The following WDR35 variants were observed in gnomAD, a reference collection of about 807,000 sequenced individuals.
WDR35 encodes the protein WD repeat-containing protein 35.
Under a neutral mutation model 158.3 loss-of-function variants are expected in WDR35, and 118 were observed. The observed-to-expected ratio is 0.75, with a 90% confidence interval of 0.64 to 0.87. The LOEUF is 0.87. WDR35 is among the 40% of genes least tolerant of loss of function. The pLI is 0.00. For missense variants in WDR35, 1,263 were observed against 1,405.8 expected (o/e 0.90, Z 1.62); for synonymous variants, 448 against 476.1 (o/e 0.94, Z 0.77).
At chr2:19,983,033 T>C (rs1947730) in intron 2 of WDR35, among the ~76,000 whole-genome samples, 69,485 of 152,100 alleles carry the variant, frequency 0.46, 16,101 homozygotes, top group East Asian at 0.64. Flanking sequence ...TCCCCTTTCT[T>C]CTCAGAGCTT....
intron 14 of WDR35, among the ~76,000 whole-genome samples, chr2:19,947,603 T>C (rs1360999541): frequency 2.6e-5 from 4 of 152,220 alleles, no homozygotes; most frequent in Admixed American, 1.3e-4. Flanking sequence ...TTCTCTATTT[T>C]ACTGGCTGGC....
intron 8 of WDR35, among the ~76,000 whole-genome samples, chr2:19,970,234 GCCT>G (rs1455387746): frequency 3.3e-5 from 5 of 152,086 alleles, no homozygotes; most frequent in South Asian, 4.2e-4. Context: ...ATTATAAGAT[GCCT>G]CCTCATTTTA....
intron 25 of WDR35, among the ~76,000 whole-genome samples, chr2:19,922,372 G>T (rs186742566): frequency 1.2e-4 from 19 of 152,250 alleles, no homozygotes; most frequent in African/African-American, 4.1e-4. Flanking sequence ...ATATACACCA[G>T]GGAATACTAT....
chr2:19,967,695 C>G (rs995734396), intron 9 of WDR35, among the ~76,000 whole-genome samples: 4 of 151,990 alleles, frequency 2.6e-5, no homozygotes, highest in African/African-American at 9.7e-5. Flanking sequence ...CTTTTTGTAT[C>G]CTGATTACTT....
At chr2:19,959,468 G>A (rs1405905121) in intron 11 of WDR35, among the ~76,000 whole-genome samples, 2 of 151,820 alleles carry the variant, frequency 1.3e-5, no homozygotes, top group Non-Finnish European at 2.9e-5. Flanking sequence ...ACACTAATGT[G>A]TATATATATG....
chr2:19,912,543 A>G lies in WDR35; in HGVS notation c.*1015T>C, dbSNP rs1482839442. On this transcript the variant is annotated 3_prime_UTR_variant, in exon 27 of 27. Coordinates refer to ENST00000281405, the MANE Select transcript of WDR35 (RefSeq NM_020779.4). Reference sequence around the variant, plus strand: ...GAGAAAGTGTATTGTAGCTGCAAAAACAAAGTTGCGTATCTCTATGTATTG... The same window carrying G: ...GAGAAAGTGTATTGTAGCTGCAAAAGCAAAGTTGCGTATCTCTATGTATTG... 4 of 152,242 alleles carry G rather than the reference A, an allele frequency of 2.6e-5. No homozygotes were observed. Among genetic ancestry groups the G allele is most frequent in the African/African-American group, 9.6e-5 (4 of 41,464 alleles). The allele number at this position is 152,242 out of a possible 1,614,324, so 9.4% of individuals were successfully genotyped here.
intron 14 of WDR35, 73 bp from the exon 15 acceptor site, chr2:19,946,643 A>C (rs1671065394): frequency 5.3e-5 from 73 of 1,379,854 alleles, no homozygotes; most frequent in East Asian, 4.7e-5. Flanking sequence ...ATTTCTCTAT[A>C]TGTCTATACA....
intron 2 of WDR35, among the ~76,000 whole-genome samples, chr2:19,984,711 T>C (rs911588842): frequency 2.6e-5 from 4 of 152,182 alleles, no homozygotes; most frequent in Non-Finnish European, 5.9e-5. Flanking sequence ...ATAACACCAA[T>C]AACCAAGCAC....
rs374556044 is a variant in WDR35, at chr2:19,975,603, G to T, written c.497C>A (p.Ala166Glu). Residue 166 changes from alanine (A) to glutamate (E), a missense_variant, in exon 6 of 27, where the codon GCG becomes GAG. By Grantham distance (107) the Ala-to-Glu change is moderately radical. Transcript: ENST00000281405. ...GIQLSHVTWS[A>E]DSKVLLFGMA... ...TCCAAAAAGTAAGACTTTACTGTCC[G>T]CAGACCATGTTACATGGGATAGCTG... 19 of 1,613,836 alleles carry T rather than the reference G, an allele frequency of 1.2e-5. No homozygotes were observed. The highest frequency in any genetic ancestry group is 1.6e-5 in the Non-Finnish European group (19 of 1,179,954).
Position 19,974,483 on chromosome 2 carries a change from G to C in WDR35, c.721C>G (p.His241Asp), listed in dbSNP as rs1301451424. The C allele has an allele frequency of 4.4e-6, 7 of 1,608,942 alleles. 1 individual carries two copies. Among genetic ancestry groups the C allele is most frequent in the Admixed American group, 3.3e-5 (2 of 59,748 alleles). The change falls in exon 7 of 27, where the codon CAT (histidine) becomes GAT (aspartate). Residue 241 changes from histidine to aspartate, a missense_variant. His to Asp is a moderately conservative substitution (Grantham distance 81). Coordinates refer to ENST00000281405, the MANE Select transcript of WDR35 (RefSeq NM_020779.4). Reference sequence around the variant, plus strand: ...AATTCCTTACTTTGGTCATTCTCATGTCTCATTATTTGGCATCTTCCATTA... The same window carrying C: ...AATTCCTTACTTTGGTCATTCTCATCTCTCATTATTTGGCATCTTCCATTA... ...FDNGRCQIMR[H>D]ENDQNPVLID...
At chr2:19,918,697 C>T (rs1670066338) in intron 25 of WDR35, among the ~76,000 whole-genome samples, 1 of 152,152 alleles carries the variant, frequency 6.6e-6, no homozygotes, top group South Asian at 2.1e-4. Context: ...GAAGAGCTAA[C>T]CATCGTAAAT....
intron 11 of WDR35, 52 bp from the exon 12 acceptor site, chr2:19,954,030 C>G: frequency 6.2e-7 from 1 of 1,605,858 alleles, no homozygotes; most frequent in Non-Finnish European, 8.5e-7. Context: ...TTGCAGAATG[C>G]TTGTGCTGCA....
intron 9 of WDR35, among the ~76,000 whole-genome samples, chr2:19,967,886 AAG>A: frequency 6.6e-6 from 1 of 152,166 alleles, no homozygotes; most frequent in Non-Finnish European, 1.5e-5. Context: ...TATTACTATT[AAG>A]TAAACATCAT....
At position 19,914,244 on chromosome 2, in the gene WDR35, G is replaced by A. The variant is rs1201281092; in HGVS notation, c.3155C>T (p.Pro1052Leu). Residue 1052 changes from proline to leucine, a missense_variant, in exon 26 of 27, where the codon CCT (proline) becomes CTT (leucine). Physicochemically the swap from Pro to Leu is moderately conservative, Grantham distance 98. Transcript: ENST00000281405. ...TAGCAGAGAGTAGATCTCCACAGGA[G>A]GGATGATGTCTTCATAGTCTTTCAG... ...LHLKDYEDII[P>L]PVEIYSLLAL... 3.7e-6 allele frequency: 6 copies of A among 1,614,008 alleles called. No individual in the cohort carries two copies. The highest frequency in any genetic ancestry group is 1.3e-5 in the African/African-American group (1 of 74,918).
intron 25 of WDR35, among the ~76,000 whole-genome samples, chr2:19,918,235 G>A (rs1442931922): frequency 6.6e-6 from 1 of 152,186 alleles, no homozygotes; most frequent in Non-Finnish European, 1.5e-5. Flanking sequence ...AAGAGCTCCT[G>A]AAGGAAGCAC....
chr2:19,932,521 G>A (rs1670558437), intron 22 of WDR35, 74 bp from the exon 23 acceptor site: 1 of 1,581,236 alleles, frequency 6.3e-7, no homozygotes, highest in East Asian at 2.3e-5. Flanking sequence ...ACACAAGAAA[G>A]CTTTAAGTTT....
intron 9 of WDR35, 84 bp from the exon 10 acceptor site, chr2:19,966,993 T>A (rs936136423): frequency 7.4e-6 from 10 of 1,354,348 alleles, no homozygotes; most frequent in Non-Finnish European, 8.3e-6. Flanking sequence ...CACATTATTT[T>A]ATTTTTACTC....
chr2:19,944,921 C>T (rs1670999327), intron 16 of WDR35, among the ~76,000 whole-genome samples: 1 of 152,078 alleles, frequency 6.6e-6, no homozygotes, highest in Non-Finnish European at 1.5e-5. Context: ...TACATGCAAA[C>T]AAATGGAAAT....
intron 8 of WDR35, among the ~76,000 whole-genome samples, 164 bp downstream of exon 8, chr2:19,973,399 A>G (rs1300069973): frequency 6.6e-6 from 1 of 152,186 alleles, no homozygotes; most frequent in African/African-American, 2.4e-5. Context: ...CTATAAGATT[A>G]TAAAATTCCA....
Sources: gnomAD v4.1 joint callset for allele counts (sites outside exome capture counted in the v4.1 genomes callset) on GRCh38, gnomAD v4.1.1 for gene constraint, MANE v1.5 for transcripts, NCBI Gene and HGNC (gene_info 2026-07-23, HGNC 2026-07-21) for gene names.